RNGTT: variants seen among roughly 807,000 people sequenced by gnomAD.
The protein encoded by RNGTT is mRNA-capping enzyme.
RNGTT carries 33 observed loss-of-function variants against 79.3 expected under a neutral mutation model. That is an observed-to-expected ratio of 0.42 (90% CI 0.32 to 0.56). The LOEUF (loss-of-function observed/expected upper bound fraction) is 0.56, where lower values mean the gene tolerates loss of function less well. Ranked by LOEUF, RNGTT falls within the 20% of genes least tolerant of loss-of-function variation. RNGTT has a pLI of 0.17. For synonymous variants in RNGTT, 222 were observed against 235.9 expected, an observed-to-expected ratio of 0.94 and a Z score of 0.54; for missense variants, 497 against 739.1, an observed-to-expected ratio of 0.67 and a Z score of 3.80.
rs191443993 is a variant in RNGTT at position 88,646,079 on chromosome 6, T to C, written c.1507-31684A>G. ...GAGCGAACAGGCAACCTAAAGAAAA[T>C]TTTTGCAATCTACTCATCTGACAAA... On this transcript the variant is annotated intron_variant, in intron 14 of 15. Coordinates refer to ENST00000369485, the MANE Select transcript of RNGTT (RefSeq NM_003800.5). Among the ~76,000 whole-genome samples, 569 of 151,472 alleles carry C rather than the reference T, an allele frequency of 3.8e-3. 5 individuals are homozygous for C. Among genetic ancestry groups the C allele is most frequent in the African/African-American group, 0.013 (553 of 41,358 alleles).
intron 14 of RNGTT, among the ~76,000 whole-genome samples, chr6:88,668,492 G>C (rs991647877): frequency 2.0e-5 from 3 of 152,282 alleles, no homozygotes; most frequent in Non-Finnish European, 4.4e-5. Flanking sequence ...CCCACATGGA[G>C]GACTGTACCC....
chr6:88,818,453 C>A (rs536611060), intron 11 of RNGTT, among the ~76,000 whole-genome samples: 2 of 152,144 alleles, frequency 1.3e-5, no homozygotes, highest in African/African-American at 4.8e-5. Flanking sequence ...CATAGTGGTA[C>A]ATGCCTGTAA....
intron 13 of RNGTT, among the ~76,000 whole-genome samples, chr6:88,716,233 C>T (rs1002988313): frequency 2.0e-5 from 3 of 151,878 alleles, no homozygotes; most frequent in African/African-American, 4.8e-5. Context: ...TCATCACTGG[C>T]CATCAGAGAA....
At chr6:88,823,808 C>A (rs533702009) in intron 11 of RNGTT, among the ~76,000 whole-genome samples, 2 of 152,052 alleles carry the variant, frequency 1.3e-5, no homozygotes, top group East Asian at 3.9e-4. Context: ...GAAAAAAAAT[C>A]AAAGATCAGG....
intron 14 of RNGTT, among the ~76,000 whole-genome samples, chr6:88,659,624 G>T (rs1211232255): frequency 6.7e-6 from 1 of 149,532 alleles, no homozygotes; most frequent in African/African-American, 2.5e-5. Context: ...AAAAAAAAAT[G>T]AACAAAGCCT....
intron 12 of RNGTT, among the ~76,000 whole-genome samples, chr6:88,797,167 C>A (rs1403264282): frequency 3.3e-5 from 5 of 152,008 alleles, no homozygotes; most frequent in South Asian, 4.1e-4. Context: ...TCCTGGCAAA[C>A]AGGGAGGCTT....
chr6:88,929,634 G>A (rs1199029681), intron 2 of RNGTT, among the ~76,000 whole-genome samples: 1 of 152,028 alleles, frequency 6.6e-6, no homozygotes, highest in Non-Finnish European at 1.5e-5. Context: ...GGCTAGAGCA[G>A]GAATGGCATC....
chr6:88,773,752 G>A lies in RNGTT; in HGVS notation c.1339-3878C>T, dbSNP rs183711187. Among the ~76,000 whole-genome samples the A allele has an allele frequency of 1.9e-3, 292 of 152,230 alleles. 4 individuals carry two copies. Among genetic ancestry groups the A allele is most frequent in the African/African-American group, 6.9e-3 (286 of 41,544 alleles). Reference sequence around the variant, plus strand: ...CTCTTTAAGAAAGAGAGGTGGGACAGCTGGTTTTCCACATGTAAAACTATG... The same window carrying A: ...CTCTTTAAGAAAGAGAGGTGGGACAACTGGTTTTCCACATGTAAAACTATG... On this transcript the variant is annotated intron_variant, in intron 12 of 15. Coordinates refer to ENST00000369485, the MANE Select transcript of RNGTT (RefSeq NM_003800.5).
chr6:88,910,856 C>G (rs1326281359), intron 4 of RNGTT, among the ~76,000 whole-genome samples: 1 of 152,132 alleles, frequency 6.6e-6, no homozygotes, highest in Non-Finnish European at 1.5e-5. Flanking sequence ...AGGAGAAATT[C>G]CAGCCAAGAA....
chr6:88,759,989 T>C (rs1174546836), intron 13 of RNGTT, among the ~76,000 whole-genome samples: 3 of 152,210 alleles, frequency 2.0e-5, no homozygotes, highest in African/African-American at 4.8e-5. Context: ...AATGAAAATA[T>C]ATATTAATTG....
chr6:88,762,372 A>C (rs985399381), intron 13 of RNGTT, among the ~76,000 whole-genome samples: 5 of 152,210 alleles, frequency 3.3e-5, no homozygotes, highest in Non-Finnish European at 7.4e-5. Context: ...TCTCCAAGGG[A>C]AATACAAAAA....
intron 15 of RNGTT, 32 bp from the exon 16 acceptor site, chr6:88,612,914 G>A (rs774532385): frequency 5.6e-6 from 9 of 1,599,854 alleles, no homozygotes; most frequent in Non-Finnish European, 7.7e-6. Flanking sequence ...TCTCATGTGA[G>A]GGTTAATTAA....
chr6:88,879,737 T>C (rs1782636013), intron 8 of RNGTT, among the ~76,000 whole-genome samples: 1 of 152,218 alleles, frequency 6.6e-6, no homozygotes, highest in Non-Finnish European at 1.5e-5. Flanking sequence ...AAAAAATCTT[T>C]ATATTAAATA....
intron 14 of RNGTT, among the ~76,000 whole-genome samples, chr6:88,656,067 A>G (rs1377479342): frequency 6.6e-6 from 1 of 152,218 alleles, no homozygotes; most frequent in Non-Finnish European, 1.5e-5. Context: ...GAATATATAT[A>G]TTAAGATAAA....
intron 12 of RNGTT, among the ~76,000 whole-genome samples, chr6:88,801,171 C>A (rs1779769811): frequency 6.6e-6 from 1 of 152,022 alleles, no homozygotes; most frequent in East Asian, 1.9e-4. Flanking sequence ...TAAACTACAG[C>A]AAAATGAAGT....
chr6:88,854,115 T>C (rs1165329459), intron 8 of RNGTT, among the ~76,000 whole-genome samples: 1 of 151,932 alleles, frequency 6.6e-6, no homozygotes, highest in Non-Finnish European at 1.5e-5. Context: ...TCTTTCTTTT[T>C]TTTAGTAGAG....
At position 88,796,282 on chromosome 6, in the gene RNGTT, T is replaced by A. The variant is rs1343885269; in HGVS notation, c.1338+5282A>T. Reference sequence around the variant, plus strand: ...GTATATATGTGGATCATATTTGTGTTACATGTTATATTTCTATCAGTCAGT... The same window carrying A: ...GTATATATGTGGATCATATTTGTGTAACATGTTATATTTCTATCAGTCAGT... On this transcript the variant is annotated intron_variant, in intron 12 of 15. Coordinates refer to ENST00000369485, the MANE Select transcript of RNGTT (RefSeq NM_003800.5). Among the ~76,000 whole-genome samples, 3 of 152,190 alleles carry A rather than the reference T, an allele frequency of 2.0e-5. No homozygotes were observed. In the East Asian group the frequency reaches 5.8e-4, roughly 29 times the overall value.
intron 11 of RNGTT, among the ~76,000 whole-genome samples, chr6:88,814,258 C>T (rs1780242151): frequency 6.6e-6 from 1 of 152,138 alleles, no homozygotes; most frequent in Non-Finnish European, 1.5e-5. Context: ...CCAGTGAAGA[C>T]AACAGTAATA....
At chr6:88,630,774 C>T (rs919298713) in intron 14 of RNGTT, among the ~76,000 whole-genome samples, 87 of 151,718 alleles carry the variant, frequency 5.7e-4, no homozygotes, top group African/African-American at 1.9e-3. Flanking sequence ...TTCTTAGTTA[C>T]ATTTCCTTCT....
Sources: allele counts gnomAD v4.1 joint callset (sites outside exome capture counted in the v4.1 genomes callset), GRCh38; gene constraint gnomAD v4.1.1; transcripts MANE v1.5; gene names NCBI Gene and HGNC (gene_info 2026-07-23, HGNC 2026-07-21).